Variants in ZNF33B observed in about 807,000 individuals in gnomAD.
The protein encoded by ZNF33B is zinc finger protein 11b (KOX 2).
In ZNF33B, 29 loss-of-function variants were observed where a neutral mutation model predicts 45.8. That is an observed-to-expected ratio of 0.63 (90% confidence interval 0.47 to 0.86). ZNF33B has a LOEUF of 0.86. Among genes scored for constraint, ZNF33B ranks in the 40% least tolerant of loss-of-function variants. The pLI, the probability that ZNF33B is intolerant of heterozygous loss-of-function variation, is 0.00. For missense variants in ZNF33B, 831 were observed against 909.9 expected (o/e 0.91, Z 1.12); for synonymous variants, 305 against 307.8 (o/e 0.99, Z 0.10).
intron 4 of ZNF33B, among the ~76,000 whole-genome samples, chr10:42,617,666 T>A (rs1459164277): frequency 6.6e-6 from 1 of 152,140 alleles, no homozygotes; most frequent in Admixed American, 6.5e-5. Context: ...AACAGTCCCA[T>A]CACCAGGATC....
chr10:42,631,759 A>G, intron 4 of ZNF33B, 170 bp downstream of exon 4: 1 of 593,914 alleles, frequency 1.7e-6, no homozygotes, highest in South Asian at 2.7e-5. Flanking sequence ...ATTTTTTGTG[A>G]GTAGTATCTG....
At chr10:42,635,931 T>C (rs145601299) in intron 2 of ZNF33B, among the ~76,000 whole-genome samples, 2,671 of 150,804 alleles carry the variant, frequency 0.018, 80 homozygotes, top group African/African-American at 0.062. Flanking sequence ...GATATCGAGA[T>C]CATCCTGGCC....
At chr10:42,617,903 GCCTAGGTGGTC>G (rs1323015425) in intron 4 of ZNF33B, among the ~76,000 whole-genome samples, 1 of 152,074 alleles carries the variant, frequency 6.6e-6, no homozygotes, top group African/African-American at 2.4e-5. Flanking sequence ...CAATAATAAA[GCCTAGGTGGTC>G]CCTCCCTCAA....
chr10:42,594,268 G>A lies in ZNF33B; in HGVS notation c.682C>T (p.Leu228Phe). 6.2e-7 allele frequency: 1 copy of A among 1,613,820 alleles called. No individual in the cohort carries two copies. Among genetic ancestry groups the A allele is most frequent in the Non-Finnish European group, 8.5e-7 (1 of 1,179,910 alleles). The change falls in exon 5 of 5, where the codon CTC (leucine) becomes TTC (phenylalanine). Residue 228 changes from leucine (L) to phenylalanine (F), a missense_variant. Physicochemically the swap from Leu to Phe is conservative, Grantham distance 22. Coordinates refer to ENST00000359467, the MANE Select transcript of ZNF33B (RefSeq NM_006955.3). Reference protein sequence around the residue: ...NFEYSICQETLLEKAVFNTRK... With the variant: ...NFEYSICQETFLEKAVFNTRK... ...GTATTGAATACTGCCTTTTCAAGGA[G>A]GGTTTCCTGACATATACTGTATTCA...
downstream of ZNF33B, among the ~76,000 whole-genome samples, chr10:42,585,179 C>A (rs995586001): frequency 6.6e-6 from 1 of 152,228 alleles, no homozygotes; most frequent in African/African-American, 2.4e-5. Context: ...TCTGGCCTCA[C>A]TTCATGGCCT....
intron 1 of ZNF33B, among the ~76,000 whole-genome samples, 195 bp downstream of exon 1, chr10:42,638,279 C>G (rs776206837): frequency 2.6e-5 from 4 of 152,278 alleles, no homozygotes; most frequent in Non-Finnish European, 5.9e-5. Context: ...CAGGGCGTAG[C>G]CCGCTCCCTA....
At chr10:42,594,752 G>A (rs973425393) in intron 4 of ZNF33B, 53 bp from the exon 5 acceptor site, 1 of 1,501,996 alleles carries the variant, frequency 6.7e-7, no homozygotes, top group Non-Finnish European at 8.8e-7. Context: ...CATCTCTTAG[G>A]GAATGAAATC....
At chr10:42,612,428 GT>G (rs1228571912) in intron 4 of ZNF33B, among the ~76,000 whole-genome samples, 10 of 151,916 alleles carry the variant, frequency 6.6e-5, no homozygotes, top group Non-Finnish European at 1.5e-4. Flanking sequence ...TAGAGACAGG[GT>G]TTTACCACGT....
chr10:42,576,111 G>A (rs528918626), intron 1 of ZNF33B, among the ~76,000 whole-genome samples: 67 of 151,862 alleles, frequency 4.4e-4, no homozygotes, highest in African/African-American at 1.4e-3. Context: ...GGCTGGTCTC[G>A]AACTCCTGAC....
intron 4 of ZNF33B, among the ~76,000 whole-genome samples, chr10:42,612,154 G>A (rs1274927141): frequency 6.6e-6 from 1 of 150,376 alleles, no homozygotes; most frequent in Non-Finnish European, 1.5e-5. Context: ...ATGAATGGGT[G>A]TTGAATGCTT....
chr10:42,583,446 G>T (rs566592828), intron 1 of ZNF33B: 16 of 284,700 alleles, frequency 5.6e-5, no homozygotes, highest in Non-Finnish European at 9.1e-5. Context: ...CGCTGAGATG[G>T]TACTAGATAA....
At chr10:42,574,417 G>A (rs1836717558) in exon 2 of ZNF33B, 2 of 152,202 alleles carry the variant, frequency 1.3e-5, no homozygotes, top group South Asian at 2.1e-4. Flanking sequence ...TCCCGGCTAA[G>A]AGCAGCCTAT....
intron 4 of ZNF33B, among the ~76,000 whole-genome samples, chr10:42,621,452 T>C (rs1388989755): frequency 6.6e-6 from 1 of 151,554 alleles, no homozygotes; most frequent in Admixed American, 6.6e-5. Flanking sequence ...TTTAATGGTA[T>C]ATTAAGAGGA....
At chr10:42,610,133 T>C (rs372791266) in intron 4 of ZNF33B, among the ~76,000 whole-genome samples, 4 of 152,090 alleles carry the variant, frequency 2.6e-5, no homozygotes, top group Non-Finnish European at 4.4e-5. Context: ...CTCATGCATA[T>C]AGAGAATCTT....
At chr10:42,608,422 A>G (rs1837955564) in intron 4 of ZNF33B, among the ~76,000 whole-genome samples, 1 of 152,202 alleles carries the variant, frequency 6.6e-6, no homozygotes, top group Admixed American at 6.5e-5. Context: ...AGTACACATG[A>G]AACATTCCCC....
intron 4 of ZNF33B, among the ~76,000 whole-genome samples, chr10:42,602,562 T>A (rs1288521726): frequency 1.3e-5 from 2 of 152,222 alleles, no homozygotes; most frequent in South Asian, 4.1e-4. Context: ...TGGCTTCCTA[T>A]AAGTATTTTT....
chr10:42,610,784 G>A (rs1838067512), intron 4 of ZNF33B, among the ~76,000 whole-genome samples: 2 of 152,112 alleles, frequency 1.3e-5, no homozygotes, highest in African/African-American at 4.8e-5. Flanking sequence ...CTGCCTTTTT[G>A]AGGAAACTAA....
chr10:42,588,378 C>CTT (rs1377479252), downstream of ZNF33B, among the ~76,000 whole-genome samples: 1 of 152,196 alleles, frequency 6.6e-6, no homozygotes, highest in Non-Finnish European at 1.5e-5. Flanking sequence ...TCCAAGAAGC[C>CTT]TTTGCCATAA....
Position 42,636,745 on chromosome 10 carries a change from A to G in ZNF33B, c.9+175T>C, listed in dbSNP as rs755313131. The G allele has an allele frequency of 3.5e-4, 275 of 789,366 alleles. 1 individual carries two copies. The highest frequency in any genetic ancestry group is 5.0e-4 in the South Asian group (28 of 55,698). The allele number at this position is 789,366 out of a possible 1,614,324, so 48.9% of individuals were successfully genotyped here. A position where few individuals can be genotyped will look rare whatever the true frequency, so the allele number is the denominator to read the frequency against. On this transcript the variant is annotated intron_variant, in intron 2 of 4. Coordinates refer to ENST00000359467, the MANE Select transcript of ZNF33B (RefSeq NM_006955.3). ...TGAGGCAGGTGAATTGCTTGAACCC[A>G]GGAGGCAGAGGTTGCAAGGTTGCAG...
Sources: allele counts gnomAD v4.1 joint callset (sites outside exome capture counted in the v4.1 genomes callset), GRCh38; gene constraint gnomAD v4.1.1; transcripts MANE v1.5; gene names NCBI Gene and HGNC (gene_info 2026-07-23, HGNC 2026-07-21).